Variants in NHSL2 observed in about 807,000 individuals in gnomAD.
The protein encoded by NHSL2 is NHS-like protein 2.
In NHSL2, 27 loss-of-function variants were observed where a neutral mutation model predicts 53.4. That is an observed-to-expected ratio of 0.51 (90% CI 0.37 to 0.70). The LOEUF (loss-of-function observed/expected upper bound fraction) is 0.70, where lower values mean the gene tolerates loss of function less well. Among genes scored for constraint, NHSL2 ranks in the 30% least tolerant of loss-of-function variants. The pLI is 0.00. For missense variants in NHSL2, 892 were observed against 980.1 expected (o/e 0.91, Z 1.20); for synonymous variants, 408 against 404.1 (o/e 1.01, Z -0.12).
chrX:72,079,764 G>C (rs1236020461), intron 1 of NHSL2: 1 of 113,040 alleles, frequency 8.8e-6, no homozygotes, highest in East Asian at 2.8e-4. Flanking sequence ...CAGACAGCCA[G>C]TTCCTGTTCA....
At chrX:72,131,058 G>A in intron 1 of NHSL2, 1 of 1,210,585 alleles carries the variant, frequency 8.3e-7, no homozygotes, top group Admixed American at 2.2e-5. Flanking sequence ...CAGCCAGGTA[G>A]ACTGGGTCTC....
intron 1 of NHSL2, among the ~76,000 whole-genome samples, chrX:71,971,753 C>T (rs887949896): frequency 5.4e-5 from 6 of 111,209 alleles, no homozygotes; most frequent in Admixed American, 9.6e-5. Context: ...GTTATTTGTG[C>T]GAATTTAAAT....
In NHSL2 at chrX:72,039,130, TCCTTTCCTTTCCTTTCCTTC is replaced by T. The variant is rs1161163807; in HGVS notation, c.281-92947_281-92928del. Among the ~76,000 whole-genome samples, 178 of 98,557 alleles carry T rather than the reference TCCTTTCCTTTCCTTTCCTTC, an allele frequency of 1.8e-3. 1 individual carries two copies. The highest frequency in any genetic ancestry group is 7.2e-3 in the African/African-American group (170 of 23,726). 85.6% of individuals were successfully genotyped at this position (98,557 alleles called of 115,157 possible). A position where few individuals can be genotyped will look rare whatever the true frequency, so the allele number is the denominator to read the frequency against. ...TCCTTTCCTTTCCTTTCCTTTCCTT[TCCTTTCCTTTCCTTTCCTTC>T]CTTGTCTCTCTTTATTTCAATTAGG... On this transcript the variant is annotated intron_variant, in intron 1 of 7. Transcript: ENST00000633930.
chrX:72,128,121 C>T (rs2042245950), intron 1 of NHSL2: 1 of 111,707 alleles, frequency 9.0e-6, no homozygotes, highest in African/African-American at 3.3e-5. Context: ...TCCACTGATC[C>T]CCAGGCTGAG....
intron 1 of NHSL2, among the ~76,000 whole-genome samples, chrX:72,094,519 A>G (rs1443871219): frequency 9.1e-6 from 1 of 110,492 alleles, no homozygotes; most frequent in African/African-American, 3.3e-5. Flanking sequence ...CGTCATCTAA[A>G]AAAAAAAACA....
At chrX:72,005,259 A>T (rs1410803411) in intron 1 of NHSL2, among the ~76,000 whole-genome samples, 1 of 112,294 alleles carries the variant, frequency 8.9e-6, no homozygotes, top group African/African-American at 3.2e-5. Flanking sequence ...GAGCCACTGC[A>T]CCTAGTCCAA....
intron 1 of NHSL2, among the ~76,000 whole-genome samples, chrX:72,015,196 G>T (rs1304301176): frequency 9.0e-6 from 1 of 111,173 alleles, no homozygotes; most frequent in Non-Finnish European, 1.9e-5. Context: ...TCTCTTGCAG[G>T]TGTACATTCT....
intron 1 of NHSL2, among the ~76,000 whole-genome samples, chrX:72,036,352 T>C (rs1909466131): frequency 1.8e-5 from 2 of 112,589 alleles, no homozygotes; most frequent in African/African-American, 6.4e-5. Context: ...AGAAATCCAC[T>C]GTCAGTTGAC....
At chrX:71,981,296 C>T (rs763674659) in intron 1 of NHSL2, among the ~76,000 whole-genome samples, 2 of 112,348 alleles carry the variant, frequency 1.8e-5, no homozygotes, top group African/African-American at 3.2e-5. Flanking sequence ...CGCCAGTAAT[C>T]CCAGCACTTT....
chrX:72,135,461 C>T (rs1057354178), intron 4 of NHSL2, among the ~76,000 whole-genome samples: 7 of 111,466 alleles, frequency 6.3e-5, no homozygotes, highest in Non-Finnish European at 9.4e-5. Context: ...ATAGGGCCAG[C>T]GACATGATGA....
intron 1 of NHSL2, among the ~76,000 whole-genome samples, chrX:72,093,868 A>G (rs2041922931): frequency 9.3e-6 from 1 of 108,101 alleles, no homozygotes; most frequent in African/African-American, 3.4e-5. Flanking sequence ...TGCAGCCTCT[A>G]CCTCCTGGGT....
chrX:72,079,386 C>T (rs1191167177), intron 1 of NHSL2, among the ~76,000 whole-genome samples: 1 of 112,279 alleles, frequency 8.9e-6, no homozygotes, highest in Non-Finnish European at 1.9e-5. Flanking sequence ...CAGGGTTCTC[C>T]TGATGCCACG....
chrX:72,073,712 G>T lies in NHSL2; in HGVS notation c.281-58367G>T, dbSNP rs959979337. Among the ~76,000 whole-genome samples the T allele has an allele frequency of 5.3e-5, 6 of 112,468 alleles. No homozygotes were observed. In the Admixed American group the frequency reaches 5.6e-4, roughly 11 times the overall value. On this transcript the variant is annotated intron_variant, in intron 1 of 7. Coordinates refer to ENST00000633930, the MANE Select transcript of NHSL2 (RefSeq NM_001013627.3). ...TGCCCCATGATCCAATAACAAGGAA[G>T]TTGTAGAGCCAGGATTTGAGCCCAA... is the stretch of plus-strand genomic sequence containing the variant.
intron 1 of NHSL2, among the ~76,000 whole-genome samples, chrX:72,085,369 G>A (rs1181139163): frequency 8.9e-6 from 1 of 112,351 alleles, no homozygotes; most frequent in Non-Finnish European, 1.9e-5. Context: ...TTCTTAACCT[G>A]CCCGGTATGC....
At chrX:72,084,331 C>T (rs909460393) in intron 1 of NHSL2, among the ~76,000 whole-genome samples, 2 of 112,355 alleles carry the variant, frequency 1.8e-5, no homozygotes, top group Non-Finnish European at 3.8e-5. Flanking sequence ...CTGCACAGGC[C>T]ACAAACCCAG....
chrX:72,032,868 ATAAT>A (rs1247901187), intron 1 of NHSL2, among the ~76,000 whole-genome samples: 3 of 112,153 alleles, frequency 2.7e-5, no homozygotes, highest in African/African-American at 9.7e-5. Flanking sequence ...TTAAAAATAA[ATAAT>A]AAAATTAATC....
intron 1 of NHSL2, among the ~76,000 whole-genome samples, chrX:72,005,262 T>G (rs1473428151): frequency 8.9e-6 from 1 of 112,453 alleles, no homozygotes; most frequent in African/African-American, 3.2e-5. Flanking sequence ...CCACTGCACC[T>G]AGTCCAATTT....
chrX:71,918,826 A>T (rs2041642111), intron 1 of NHSL2, among the ~76,000 whole-genome samples: 1 of 112,464 alleles, frequency 8.9e-6, no homozygotes, highest in Admixed American at 9.4e-5. Context: ...TAACTTACAC[A>T]TTCAATAATA....
intron 1 of NHSL2, among the ~76,000 whole-genome samples, chrX:72,103,832 G>A (rs866505482): frequency 9.0e-6 from 1 of 111,516 alleles, no homozygotes; most frequent in Non-Finnish European, 1.9e-5. Flanking sequence ...CCAAGCCCTG[G>A]CCAGCCTGTG....
Sources: allele counts gnomAD v4.1 joint callset (sites outside exome capture counted in the v4.1 genomes callset), GRCh38; gene constraint gnomAD v4.1.1; transcripts MANE v1.5; gene names NCBI Gene and HGNC (gene_info 2026-07-23, HGNC 2026-07-21).